ARHGAP25: variants seen among roughly 807,000 people sequenced by gnomAD.
ARHGAP25 encodes the protein Rho GTPase activating protein 25, also known as rho GTPase-activating protein 25.
Under a neutral mutation model 71.0 loss-of-function variants are expected in ARHGAP25, and 34 were observed. The ratio of observed to expected loss-of-function variants is 0.48; its 90% CI spans 0.36 to 0.64. The LOEUF (loss-of-function observed/expected upper bound fraction) is 0.64. Among genes scored for constraint, ARHGAP25 ranks in the 30% least tolerant of loss-of-function variants. The pLI is 0.00. For missense variants in ARHGAP25, 706 were observed against 805.1 expected (o/e 0.88, Z 1.49); for synonymous variants, 282 against 296.5 (o/e 0.95, Z 0.50).
intron 1 of ARHGAP25, among the ~76,000 whole-genome samples, chr2:68,736,026 C>T (rs749574188): frequency 2.0e-5 from 3 of 152,128 alleles, no homozygotes; most frequent in Non-Finnish European, 2.9e-5. Flanking sequence ...TCAGAGCAAT[C>T]GGGCTGAAAA....
intron 2 of ARHGAP25, 153 bp downstream of exon 2, chr2:68,775,573 G>T: frequency 8.3e-7 from 1 of 1,201,160 alleles, no homozygotes; most frequent in Non-Finnish European, 1.2e-6. Flanking sequence ...CCATTTTCTA[G>T]ATACATAAAC....
chr2:68,807,870 C>T (rs1179220081), intron 5 of ARHGAP25, among the ~76,000 whole-genome samples: 1 of 152,168 alleles, frequency 6.6e-6, no homozygotes, highest in African/African-American at 2.4e-5. Flanking sequence ...GTGGAGAATG[C>T]ACCAGATCTA....
At chr2:68,748,208 C>T (rs1249827047) in intron 1 of ARHGAP25, among the ~76,000 whole-genome samples, 2 of 152,140 alleles carry the variant, frequency 1.3e-5, no homozygotes, top group South Asian at 2.1e-4. Flanking sequence ...TGCTCATAGC[C>T]ACCATCTCAA....
intron 1 of ARHGAP25, among the ~76,000 whole-genome samples, chr2:68,766,866 C>T (rs898728909): frequency 6.6e-6 from 1 of 152,118 alleles, no homozygotes; most frequent in East Asian, 1.9e-4. Flanking sequence ...GCTACCAAGA[C>T]AGCATTTTTT....
chr2:68,753,222 G>A (rs537308252), intron 1 of ARHGAP25, among the ~76,000 whole-genome samples: 3 of 152,282 alleles, frequency 2.0e-5, no homozygotes, highest in South Asian at 2.1e-4. Context: ...AAATAAAGAC[G>A]TAGAGAAATT....
At chr2:68,720,316 C>CAAAAAAAAAAAAAAAAAAAAA (rs11314943) in intron 2 of ARHGAP25, among the ~76,000 whole-genome samples, 4 of 75,682 alleles carry the variant, frequency 5.3e-5, no homozygotes, top group African/African-American at 1.2e-4. Flanking sequence ...ACATTTCAGT[C>CAAAAAAAAAAAAAAAAAAAAA]AAAAAAAAAA....
At chr2:68,720,366 A>G (rs565645034) in intron 2 of ARHGAP25, among the ~76,000 whole-genome samples, 156 of 151,902 alleles carry the variant, frequency 1.0e-3, no homozygotes, top group African/African-American at 3.6e-3. Flanking sequence ...GAAAAAAAAA[A>G]GCTCCTATAC....
rs187561571 is a variant in ARHGAP25, at chr2:68,761,491, G to C, written c.62-13730G>C. On this transcript the variant is annotated intron_variant, in intron 1 of 10. Transcript: ENST00000409202. The stretch of plus-strand genomic sequence containing the variant: ...TATTTGCAAATCATATATCTAACAA[G>C]GGATTAATATCCAGAATGTATAAAA... Among the ~76,000 whole-genome samples the C allele has an allele frequency of 2.9e-3, 443 of 151,738 alleles. 3 individuals are homozygous for C. Among genetic ancestry groups the C allele is most frequent in the Middle Eastern group, 0.014 (4 of 294 alleles).
At chr2:68,793,393 C>T (rs529923793) in intron 4 of ARHGAP25, among the ~76,000 whole-genome samples, 24 of 152,120 alleles carry the variant, frequency 1.6e-4, no homozygotes, top group African/African-American at 4.6e-4. Context: ...TCTAGCTTTA[C>T]TCTAGGTTTT....
chr2:68,765,784 G>C (rs1023767626), intron 1 of ARHGAP25, among the ~76,000 whole-genome samples: 5 of 152,138 alleles, frequency 3.3e-5, no homozygotes, highest in Admixed American at 6.5e-5. Flanking sequence ...AACATATTAT[G>C]ACTCGTTTCC....
chr2:68,734,805 G>GCTCT (rs1245727477), upstream of ARHGAP25: 22 of 226,982 alleles, frequency 9.7e-5, no homozygotes, highest in Non-Finnish European at 2.6e-5. Context: ...AAAACCAAGA[G>GCTCT]GCAGCAGTTG....
rs564808622 is a variant in ARHGAP25 at position 68,804,520 on chromosome 2, T to C, written c.467-2753T>C. ...ATAGAAACCTAATTCCATATGGTTATTGAAATTTTCTAATTGTTTCTCACC... is the reference window on the plus strand; with the variant it reads ...ATAGAAACCTAATTCCATATGGTTACTGAAATTTTCTAATTGTTTCTCACC... On this transcript the variant is annotated intron_variant, in intron 4 of 10. Transcript: ENST00000409202. Among the ~76,000 whole-genome samples, 4 of 152,396 alleles carry C rather than the reference T, an allele frequency of 2.6e-5. No homozygotes were observed. In the South Asian group the frequency reaches 6.2e-4, roughly 24 times the overall value.
At chr2:68,802,943 G>T (rs549215216) in intron 4 of ARHGAP25, among the ~76,000 whole-genome samples, 1 of 149,136 alleles carries the variant, frequency 6.7e-6, no homozygotes, top group African/African-American at 2.5e-5. Context: ...ATACACATAT[G>T]TGTGTGTATA....
At position 68,789,458 on chromosome 2, in the gene ARHGAP25, G is replaced by C. The variant is rs531526244; in HGVS notation, c.466+1502G>C. ...TACATTAGCTTCTCAAAGCAACCAA[G>C]AGCAGGAACTGCCAAGAGGTTTTAT... On this transcript the variant is annotated intron_variant, in intron 4 of 10. Coordinates refer to ENST00000409202, the MANE Select transcript of ARHGAP25 (RefSeq NM_001007231.3). 5.4e-4 allele frequency among the ~76,000 whole-genome samples: 83 copies of C among 152,342 alleles called. 1 individual carries two copies. The highest frequency in any genetic ancestry group is 2.0e-3 in the African/African-American group (82 of 41,588).
At chr2:68,732,262 C>T (rs1044013183), upstream of ARHGAP25, among the ~76,000 whole-genome samples, 4 of 152,142 alleles carry the variant, frequency 2.6e-5, no homozygotes, top group African/African-American at 9.7e-5. Context: ...ACTAACTTCC[C>T]CCATGGGTCA....
At position 68,736,911 on chromosome 2, in the gene ARHGAP25, T is replaced by G. The variant is rs184358644; in HGVS notation, c.61+1651T>G. Among the ~76,000 whole-genome samples the G allele has an allele frequency of 3.4e-3, 512 of 152,238 alleles. 5 individuals are homozygous for G. The highest frequency in any genetic ancestry group is 4.5e-3 in the Non-Finnish European group (304 of 68,002). Reference sequence around the variant, plus strand: ...TGTAGGTACTGTGGTCTATGTTCACTAGCCCCAGCAGACAGTTTTCACCCA... The same window carrying G: ...TGTAGGTACTGTGGTCTATGTTCACGAGCCCCAGCAGACAGTTTTCACCCA... On this transcript the variant is annotated intron_variant, in intron 1 of 10. Transcript: ENST00000409202.
At chr2:68,822,036 G>C (rs1681723019) in intron 9 of ARHGAP25, among the ~76,000 whole-genome samples, 2 of 151,358 alleles carry the variant, frequency 1.3e-5, no homozygotes, top group South Asian at 2.1e-4. Flanking sequence ...CGGCTTCTGG[G>C]TTTTCAGTCA....
upstream of ARHGAP25, among the ~76,000 whole-genome samples, chr2:68,732,500 G>A (rs1291632482): frequency 2.0e-5 from 3 of 152,256 alleles, no homozygotes; most frequent in African/African-American, 7.2e-5. Flanking sequence ...AAGAGCAGTG[G>A]TGTTTGGGTC....
At chr2:68,804,928 C>T (rs984169461) in intron 4 of ARHGAP25, among the ~76,000 whole-genome samples, 1 of 152,148 alleles carries the variant, frequency 6.6e-6, no homozygotes. Context: ...TAGCAGGGAG[C>T]TTACAATCAT....
Sources: gnomAD v4.1 joint callset for allele counts (sites outside exome capture counted in the v4.1 genomes callset) on GRCh38, gnomAD v4.1.1 for gene constraint, MANE v1.5 for transcripts, NCBI Gene and HGNC (gene_info 2026-07-23, HGNC 2026-07-21) for gene names.